NRG3: variants seen among roughly 807,000 people sequenced by gnomAD.
The protein encoded by NRG3 is pro-neuregulin-3, membrane-bound isoform.
NRG3 carries 31 observed loss-of-function variants against 66.9 expected under a neutral mutation model. That is an observed-to-expected ratio of 0.46 (90% CI 0.35 to 0.63). NRG3 has a LOEUF of 0.63. NRG3 is among the 20% of genes least tolerant of loss of function. The probability of loss-of-function intolerance (pLI) is 0.00; values close to 1 mark genes in which losing one functional copy is unlikely to be tolerated. For missense variants in NRG3, 910 were observed against 878.9 expected (o/e 1.04, Z -0.45); for synonymous variants, 393 against 359.4 (o/e 1.09, Z -1.06).
chr10:82,248,524 A>T (rs2077348311), intron 1 of NRG3, among the ~76,000 whole-genome samples: 1 of 152,130 alleles, frequency 6.6e-6, no homozygotes, highest in Non-Finnish European at 1.5e-5. Context: ...GACCATCTGC[A>T]TGTAAAGTTG....
Position 82,530,472 on chromosome 10 carries a change from T to C in NRG3, c.953+171604T>C, listed in dbSNP as rs187857392. 4.6e-5 allele frequency among the ~76,000 whole-genome samples: 7 copies of C among 152,102 alleles called. No homozygotes were observed. In the East Asian group the frequency reaches 1.4e-3, roughly 29 times the overall value. On this transcript the variant is annotated intron_variant, in intron 2 of 8. Coordinates refer to ENST00000372141, the MANE Select transcript of NRG3 (RefSeq NM_001010848.4). ...TTCTCTCTACAAGGCTTATCCTTAA[T>C]TGTTTTTAAAAATGTTGAGCTTTTA...
chr10:82,296,510 GTTAAT>G (rs1331425519), intron 1 of NRG3, among the ~76,000 whole-genome samples: 1 of 152,116 alleles, frequency 6.6e-6, no homozygotes, highest in Non-Finnish European at 1.5e-5. Flanking sequence ...TTGCTTAATT[GTTAAT>G]TTAATTTATT....
intron 1 of NRG3, among the ~76,000 whole-genome samples, chr10:82,061,122 G>A (rs2133231491): frequency 6.6e-6 from 1 of 152,186 alleles, no homozygotes; most frequent in East Asian, 1.9e-4. Flanking sequence ...GGAGGCAGAG[G>A]CGGGTGGATC....
rs143053849 is a variant in NRG3, at chr10:82,743,611, C to T, written c.1027+4961C>T. On this transcript the variant is annotated intron_variant, in intron 3 of 8. Transcript: ENST00000372141. ...CAGAGACAACCAAATCATGCCCAAG[C>T]TTGGTCTCCTTCCTCATGTTCCCAG... Among the ~76,000 whole-genome samples, 353 of 152,274 alleles carry T rather than the reference C, an allele frequency of 2.3e-3. 5 individuals carry two copies. Among genetic ancestry groups the T allele is most frequent in the African/African-American group, 8.2e-3 (340 of 41,588 alleles).
At chr10:82,391,467 A>T (rs751068575) in intron 2 of NRG3, among the ~76,000 whole-genome samples, 4 of 152,172 alleles carry the variant, frequency 2.6e-5, no homozygotes, top group Non-Finnish European at 5.9e-5. Flanking sequence ...CACATTTCCT[A>T]TCCTCTGTTG....
intron 2 of NRG3, among the ~76,000 whole-genome samples, chr10:82,657,276 G>A (rs1419129409): frequency 6.6e-6 from 1 of 152,064 alleles, no homozygotes; most frequent in Non-Finnish European, 1.5e-5. Context: ...CATCAGGTAA[G>A]GGGTTTTGTT....
At chr10:82,242,130 C>A (rs1431849568) in intron 1 of NRG3, among the ~76,000 whole-genome samples, 1 of 151,968 alleles carries the variant, frequency 6.6e-6, no homozygotes, top group African/African-American at 2.4e-5. Context: ...TAAGCCTTTC[C>A]TAACAGTGGG....
intron 3 of NRG3, among the ~76,000 whole-genome samples, chr10:82,803,776 G>A (rs2061154541): frequency 6.6e-6 from 1 of 151,488 alleles, no homozygotes; most frequent in African/African-American, 2.4e-5. Flanking sequence ...GGATCGTGGG[G>A]AAAATTAAAT....
chr10:82,700,306 G>C (rs1257992382), intron 2 of NRG3, among the ~76,000 whole-genome samples: 2 of 152,138 alleles, frequency 1.3e-5, no homozygotes, highest in Non-Finnish European at 2.9e-5. Flanking sequence ...TATTAAAAGA[G>C]TTTGATGTGG....
intron 6 of NRG3, among the ~76,000 whole-genome samples, chr10:82,961,785 G>C (rs990057140): frequency 5.3e-5 from 8 of 152,154 alleles, no homozygotes; most frequent in Non-Finnish European, 1.0e-4. Context: ...CCATGGGGAA[G>C]TTCTGAACAC....
At chr10:82,069,363 G>C (rs1241013703) in intron 1 of NRG3, among the ~76,000 whole-genome samples, 2 of 152,174 alleles carry the variant, frequency 1.3e-5, no homozygotes, top group Non-Finnish European at 1.5e-5. Flanking sequence ...CTTGTGAGGT[G>C]GCGCCTGGTT....
chr10:82,725,214 T>C (rs1319648312), intron 2 of NRG3, among the ~76,000 whole-genome samples: 1 of 152,224 alleles, frequency 6.6e-6, no homozygotes, highest in Non-Finnish European at 1.5e-5. Context: ...CCTTCTCTCT[T>C]GGGCTTCTGG....
At chr10:81,997,452 G>A (rs890160267) in intron 1 of NRG3, among the ~76,000 whole-genome samples, 1 of 152,216 alleles carries the variant, frequency 6.6e-6, no homozygotes, top group African/African-American at 2.4e-5. Flanking sequence ...AGGCATCATA[G>A]TTGTTCTCCT....
intron 3 of NRG3, among the ~76,000 whole-genome samples, chr10:82,863,889 T>C (rs1224784635): frequency 6.6e-6 from 1 of 152,200 alleles, no homozygotes; most frequent in Non-Finnish European, 1.5e-5. Flanking sequence ...AAGAATCCTT[T>C]CTTTACATGA....
At chr10:82,258,410 G>C (rs2077849327) in intron 1 of NRG3, among the ~76,000 whole-genome samples, 1 of 150,388 alleles carries the variant, frequency 6.6e-6, no homozygotes, top group Admixed American at 6.7e-5. Context: ...CATACAAATT[G>C]GATTTGTGTA....
At chr10:82,693,707 T>TG (rs2055131837) in intron 2 of NRG3, among the ~76,000 whole-genome samples, 1 of 152,206 alleles carries the variant, frequency 6.6e-6, no homozygotes, top group Non-Finnish European at 1.5e-5. Flanking sequence ...TTACAGCTCT[T>TG]AAAGGTGGTG....
chr10:81,894,723 C>G (rs1589377559), intron 1 of NRG3, among the ~76,000 whole-genome samples: 1 of 152,172 alleles, frequency 6.6e-6, no homozygotes, highest in African/African-American at 2.4e-5. Context: ...GCTGCTACCC[C>G]ACATCCTGAG....
intron 2 of NRG3, among the ~76,000 whole-genome samples, chr10:82,602,542 T>C (rs1039594956): frequency 6.6e-6 from 1 of 152,086 alleles, no homozygotes; most frequent in Non-Finnish European, 1.5e-5. Flanking sequence ...AGACCTAGAC[T>C]CCACCACTTC....
At chr10:82,917,719 T>C (rs1845980717) in intron 4 of NRG3, among the ~76,000 whole-genome samples, 1 of 152,030 alleles carries the variant, frequency 6.6e-6, no homozygotes, top group East Asian at 1.9e-4. Flanking sequence ...ATAATGCTAA[T>C]AATGAAGTCT....
Sources: gnomAD v4.1 joint callset for allele counts (sites outside exome capture counted in the v4.1 genomes callset) on GRCh38, gnomAD v4.1.1 for gene constraint, MANE v1.5 for transcripts, NCBI Gene and HGNC (gene_info 2026-07-23, HGNC 2026-07-21) for gene names.